Variants in GLUL observed in about 807,000 individuals in gnomAD.
GLUL encodes glutamine synthetase.
Under a neutral mutation model 36.9 loss-of-function variants are expected in GLUL, and 8 were observed. The ratio of observed to expected loss-of-function variants is 0.22; its 90% confidence interval spans 0.13 to 0.39. The LOEUF (loss-of-function observed/expected upper bound fraction) is 0.39. Ranked by LOEUF, GLUL falls within the 10% of genes least tolerant of loss-of-function variation. The pLI is 1.00. For missense variants in GLUL, 315 were observed against 501.8 expected (o/e 0.63, Z 3.56); for synonymous variants, 182 against 172.8 (o/e 1.05, Z -0.42).
At chr1:182,385,190 A>G in intron 6 of GLUL, 167 bp downstream of exon 6, 1 of 642,846 alleles carries the variant, frequency 1.6e-6, no homozygotes. Flanking sequence ...ATGTGAAGGC[A>G]AGTGTCAACA....
At chr1:182,390,683 T>C in intron 1 of GLUL, 2 of 399,074 alleles carry the variant, frequency 5.0e-6, no homozygotes, top group Non-Finnish European at 8.8e-6. Flanking sequence ...ACAGGCAGGT[T>C]GGTGGGTTAA....
At chr1:182,388,817 CAA>C in intron 1 of GLUL, 67 bp from the exon 2 acceptor site, 1 of 1,228,030 alleles carries the variant, frequency 8.1e-7, no homozygotes, top group Non-Finnish European at 1.2e-6. Context: ...AAAAATGGCT[CAA>C]GAAGGACGAC....
intron 4 of GLUL, 145 bp from the exon 5 acceptor site, chr1:182,386,032 G>GGGA: frequency 1.1e-6 from 1 of 924,022 alleles, no homozygotes; most frequent in Non-Finnish European, 1.8e-6. Flanking sequence ...GGGGCAATAG[G>GGGA]GGAGTTCCTC....
intron 1 of GLUL, chr1:182,389,560 G>A (rs1486921707): frequency 6.6e-6 from 1 of 151,534 alleles, no homozygotes; most frequent in Non-Finnish European, 1.5e-5. Flanking sequence ...GACTTGTCAA[G>A]TAATTAGGAA....
chr1:182,385,775 C>T lies in GLUL; in HGVS notation c.588G>A (p.Glu196=). ...AGVKIAGTNA[E]VMPAQWEFQI... is the part of the protein sequence containing the mutation. ...CTATACTTACCTGGGCAGGCATGAC[C>T]TCGGCATTAGTCCCCGCAATCTTGA... is the stretch of plus-strand genomic sequence containing the variant. Residue 196 remains glutamate, a synonymous_variant, in exon 5 of 7, where the codon GAG becomes GAA. Coordinates refer to ENST00000331872, the MANE Select transcript of GLUL (RefSeq NM_001033044.4). The T allele has an allele frequency of 6.2e-7, 1 of 1,614,136 alleles. No individual in the cohort carries two copies. Among genetic ancestry groups the T allele is most frequent in the South Asian group, 1.1e-5 (1 of 91,084 alleles).
chr1:182,387,063 G>A, intron 3 of GLUL, 68 bp downstream of exon 3: 2 of 1,217,452 alleles, frequency 1.6e-6, no homozygotes, highest in Admixed American at 1.7e-5. Context: ...ATTTCAGAAT[G>A]TCTTCTCCCT....
At chr1:182,387,072 C>A in intron 3 of GLUL, 59 bp downstream of exon 3, 1 of 1,308,016 alleles carries the variant, frequency 7.6e-7, no homozygotes, top group Non-Finnish European at 1.1e-6. Flanking sequence ...TGTCTTCTCC[C>A]TCCCCTTCAC....
At chr1:182,387,405 A>AT in intron 2 of GLUL, 113 bp from the exon 3 acceptor site, 1 of 819,154 alleles carries the variant, frequency 1.2e-6, no homozygotes, top group African/African-American at 1.7e-5. Flanking sequence ...CTTTTCCAGG[A>AT]ATTCATTAAG....
In GLUL at chr1:182,383,448, C is replaced by T. The variant is rs1360789012; in HGVS notation, c.*957G>A. On this transcript the variant is annotated 3_prime_UTR_variant, in exon 7 of 7. Coordinates refer to ENST00000331872, the MANE Select transcript of GLUL (RefSeq NM_001033044.4). Reference sequence around the variant, plus strand: ...TATGTGGACAAGTGTGTCTTTTAAACCAAAGCCACGGAGATCAAGTGACTG... The same window carrying T: ...TATGTGGACAAGTGTGTCTTTTAAATCAAAGCCACGGAGATCAAGTGACTG... 2.0e-5 allele frequency: 3 copies of T among 152,184 alleles called. No homozygotes were observed. In the East Asian group the frequency reaches 5.8e-4, roughly 29 times the overall value. 9.4% of individuals were successfully genotyped at this position (152,184 alleles called of 1,614,324 possible).
intron 4 of GLUL, 178 bp from the exon 5 acceptor site, chr1:182,386,065 C>T: frequency 2.3e-6 from 2 of 864,256 alleles, no homozygotes; most frequent in South Asian, 1.4e-5. Context: ...TCAGTGGGGC[C>T]AAACGTTCCC....
At position 182,388,700 on chromosome 1, in the gene GLUL, A is replaced by G. The variant is rs11541591; in HGVS notation, c.38T>C (p.Ile13Thr). 1 of 1,614,004 alleles carries G rather than the reference A, an allele frequency of 6.2e-7. No individual in the cohort carries two copies. Among genetic ancestry groups the G allele is most frequent in the Non-Finnish European group, 8.5e-7 (1 of 1,179,868 alleles). Residue 13 changes from isoleucine (I) to threonine (T), a missense_variant, in exon 2 of 7, where the codon ATC (isoleucine) becomes ACC (threonine). By Grantham distance (89) the Ile-to-Thr change is moderately conservative. Coordinates refer to ENST00000331872, the MANE Select transcript of GLUL (RefSeq NM_001033044.4). The stretch of plus-strand genomic sequence containing the variant: ...AGGCAGGGACATGTACACCTGCTTG[A>G]TGCCTTTATTTAAGTGGGAACTTGC... ...TSASSHLNKG[I>T]KQVYMSLPQG...
rs1454230935 is a variant in GLUL at position 182,378,834 on chromosome 1, A to G, written c.*5571T>C. ...ACTCTGTTGCCTAGGCTGGAGTGCA[A>G]TGGTGCAAGCTTGGCTCACTGCAAC... On this transcript the variant is annotated 3_prime_UTR_variant, in exon 7 of 7. Transcript: ENST00000331872. Among the ~76,000 whole-genome samples, 1 of 151,172 alleles carries G rather than the reference A, an allele frequency of 6.6e-6. No individual in the cohort carries two copies. The highest frequency in any genetic ancestry group is 1.5e-5 in the Non-Finnish European group (1 of 67,664).
intron 1 of GLUL, chr1:182,390,229 C>CAA (rs201924233): frequency 2.3e-4 from 61 of 266,454 alleles, no homozygotes; most frequent in East Asian, 2.6e-4. Context: ...TGTCGGAAAA[C>CAA]AAAAAAAAAA....
Position 182,381,412 on chromosome 1 carries a change from T to C in GLUL, c.*2993A>G, listed in dbSNP as rs1649923042. 6.6e-6 allele frequency among the ~76,000 whole-genome samples: 1 copy of C among 152,220 alleles called. No homozygotes were observed. Among genetic ancestry groups the C allele is most frequent in the African/African-American group, 2.4e-5 (1 of 41,460 alleles). ...AGGAGTTCATGGAGACCTCCTTTTG[T>C]AAATACTGGCCTGACTCCTTAAGGT... is the stretch of plus-strand genomic sequence containing the variant. On this transcript the variant is annotated 3_prime_UTR_variant, in exon 7 of 7. Transcript: ENST00000331872.
At chr1:182,387,360 C>T (rs1408702510) in intron 2 of GLUL, 68 bp from the exon 3 acceptor site, 3 of 1,092,802 alleles carry the variant, frequency 2.7e-6, no homozygotes, top group Non-Finnish European at 4.3e-6. Flanking sequence ...CAAATACAGC[C>T]AGCCCTTCAC....
chr1:182,388,280 C>T (rs1295311872), intron 2 of GLUL, among the ~76,000 whole-genome samples: 1 of 152,104 alleles, frequency 6.6e-6, no homozygotes, highest in Non-Finnish European at 1.5e-5. Flanking sequence ...GTGGGGATGT[C>T]CAGGTCGGCA....
Position 182,378,180 on chromosome 1 carries a change from G to A in GLUL, c.*6225C>T, listed in dbSNP as rs1649803668. Among the ~76,000 whole-genome samples the A allele has an allele frequency of 6.6e-6, 1 of 152,200 alleles. No homozygotes were observed. The highest frequency in any genetic ancestry group is 1.5e-5 in the Non-Finnish European group (1 of 68,030). On this transcript the variant is annotated 3_prime_UTR_variant, in exon 7 of 7. Coordinates refer to ENST00000331872, the MANE Select transcript of GLUL (RefSeq NM_001033044.4). ...ATTTAGTGACTGAGGGCCCACTGGA[G>A]TTTAACTAATAGATCTGCTGACTAC...
chr1:182,387,384 T>G, intron 2 of GLUL, 92 bp from the exon 3 acceptor site: 1 of 888,422 alleles, frequency 1.1e-6, no homozygotes, highest in East Asian at 2.4e-5. Context: ...CCTTCCCATC[T>G]CTAAATATCT....
chr1:182,385,716 C>CCT, intron 5 of GLUL, 44 bp downstream of exon 5: 1 of 1,611,982 alleles, frequency 6.2e-7, no homozygotes, highest in Non-Finnish European at 8.5e-7. Flanking sequence ...GTCCTATGTA[C>CCT]ACCTACCTAC....
Sources: gnomAD v4.1 joint callset for allele counts (sites outside exome capture counted in the v4.1 genomes callset) on GRCh38, gnomAD v4.1.1 for gene constraint, MANE v1.5 for transcripts, NCBI Gene and HGNC (gene_info 2026-07-23, HGNC 2026-07-21) for gene names.